Variants in ZC3H4 observed in about 807,000 individuals in gnomAD.
ZC3H4 encodes zinc finger CCCH-type containing 4, also known as zinc finger CCCH domain-containing protein 4.
Under a neutral mutation model 108.3 loss-of-function variants are expected in ZC3H4, and 13 were observed. That is an observed-to-expected ratio of 0.12 (90% CI 0.08 to 0.19). The LOEUF is 0.19. Ranked by LOEUF, ZC3H4 falls within the 10% of genes least tolerant of loss-of-function variation. ZC3H4 has a pLI of 1.00. For synonymous variants in ZC3H4, 917 were observed against 749.6 expected, an observed-to-expected ratio of 1.22 and a Z score of -3.65; for missense variants, 1,734 against 1,838.8, an observed-to-expected ratio of 0.94 and a Z score of 1.04.
chr19:47,107,929 G>A (rs1168594021), intron 2 of ZC3H4, among the ~76,000 whole-genome samples: 1 of 152,154 alleles, frequency 6.6e-6, no homozygotes, highest in East Asian at 1.9e-4. Context: ...ATGAAGTTTG[G>A]CTCCCCCCAA....
intron 2 of ZC3H4, among the ~76,000 whole-genome samples, chr19:47,100,486 G>A (rs1047951552): frequency 1.3e-5 from 2 of 151,674 alleles, no homozygotes; most frequent in African/African-American, 4.8e-5. Flanking sequence ...CTGGCAAAGA[G>A]AAGTCCAGGC....
chr19:47,067,545 C>T lies in ZC3H4; in HGVS notation c.2723G>A (p.Ser908Asn), dbSNP rs1221218011. 1 of 1,600,442 alleles carries T rather than the reference C, an allele frequency of 6.2e-7. No individual in the cohort carries two copies. The highest frequency in any genetic ancestry group is 1.7e-5 in the Admixed American group (1 of 58,424). ...TSKPEGSLHS[S>N]PVGPSSSKGS... The stretch of plus-strand genomic sequence containing the variant: ...CTTGGAACTGCTGGGGCCCACAGGG[C>T]TGGAATGAAGGCTGCCTTCGGGCTT... The change falls in exon 15 of 15, where the codon AGC becomes AAC. Residue 908 changes from serine (S) to asparagine (N), a missense_variant. Coordinates refer to ENST00000253048, the MANE Select transcript of ZC3H4 (RefSeq NM_015168.2). This position sits in a 1 kb window ranked among gnomAD's most constrained non-coding sequence, Gnocchi z 6.4.
At chr19:47,110,802 T>C in intron 2 of ZC3H4, 1 of 675,944 alleles carries the variant, frequency 1.5e-6, no homozygotes, top group Non-Finnish European at 1.8e-6. Context: ...GTTTATTTCC[T>C]TGAACTGGAG....
intron 11 of ZC3H4, among the ~76,000 whole-genome samples, chr19:47,073,105 T>G (rs543107335): frequency 1.3e-5 from 2 of 152,036 alleles, no homozygotes; most frequent in East Asian, 3.9e-4. Context: ...AAACCCCATC[T>G]CTACTAAAAA....
At chr19:47,089,381 T>C (rs531209442) in intron 5 of ZC3H4, among the ~76,000 whole-genome samples, 2 of 152,136 alleles carry the variant, frequency 1.3e-5, no homozygotes, top group Admixed American at 6.5e-5. Flanking sequence ...TTGCTGTTGT[T>C]GGTCAGGCTG....
At chr19:47,087,278 A>T (rs941302634) in intron 5 of ZC3H4, among the ~76,000 whole-genome samples, 44 of 110,438 alleles carry the variant, frequency 4.0e-4, no homozygotes, top group East Asian at 1.2e-3. Flanking sequence ...CCCGTCTCTC[A>T]CACACACACA....
At chr19:47,111,403 C>A (rs12973221) in intron 2 of ZC3H4, among the ~76,000 whole-genome samples, 11,909 of 152,224 alleles carry the variant, frequency 0.078, 567 homozygotes, top group East Asian at 0.2. Flanking sequence ...CTTCCTTTAA[C>A]GCCCTGCCAA....
At chr19:47,069,857 C>T (rs1487495349) in intron 13 of ZC3H4, among the ~76,000 whole-genome samples, 1 of 152,192 alleles carries the variant, frequency 6.6e-6, no homozygotes, top group Admixed American at 6.5e-5. Flanking sequence ...GCTCTGGCCA[C>T]AGGTCAACAG....
At chr19:47,084,237 C>T in intron 9 of ZC3H4, 108 bp downstream of exon 9, 11 of 1,038,426 alleles carry the variant, frequency 1.1e-5, no homozygotes, top group Admixed American at 6.1e-5. Context: ...ACAAGGACTA[C>T]ACAGTCACTC....
In ZC3H4 at chr19:47,112,537, CGGCGACTCTGATGGCGGCGGCG is replaced by C; in HGVS notation, c.26_47del (p.Pro9ArgfsTer88). ...ATGGCGGCGGCGGCGATGGCGGCGGCGGCGACTCTGATGGCGGCGGCGGGGGGGTCCCGGGCGCGGCCTCCAT... is the reference window on the plus strand; with the variant it reads ...ATGGCGGCGGCGGCGATGGCGGCGGCGGGGGGTCCCGGGCGCGGCCTCCAT... On this transcript the variant is annotated frameshift_variant, in exon 2 of 15. Transcript: ENST00000253048. LOFTEE classifies it high-confidence loss of function. 1 of 1,058,924 alleles carries C rather than the reference CGGCGACTCTGATGGCGGCGGCG, an allele frequency of 9.4e-7. No individual in the cohort carries two copies. Among genetic ancestry groups the C allele is most frequent in the Non-Finnish European group, 1.2e-6 (1 of 823,722 alleles). The allele number at this position is 1,058,924 out of a possible 1,614,324, so 65.6% of individuals were successfully genotyped here.
At chr19:47,097,511 C>T (rs144053922) in intron 2 of ZC3H4, among the ~76,000 whole-genome samples, 1 of 152,282 alleles carries the variant, frequency 6.6e-6, no homozygotes, top group Non-Finnish European at 1.5e-5. Flanking sequence ...AAACGTCCTG[C>T]GTGAACACGA....
intron 2 of ZC3H4, among the ~76,000 whole-genome samples, chr19:47,106,658 T>G (rs2057971957): frequency 2.0e-5 from 3 of 152,176 alleles, no homozygotes; most frequent in African/African-American, 7.2e-5. Flanking sequence ...GGCCAGAAAC[T>G]GTAGAAGGTA....
chr19:47,080,416 G>T (rs547725116), intron 11 of ZC3H4, among the ~76,000 whole-genome samples: 2 of 152,246 alleles, frequency 1.3e-5, no homozygotes, highest in South Asian at 4.1e-4. Flanking sequence ...AATGCATAAT[G>T]GGGGCCCTGA....
intron 6 of ZC3H4, among the ~76,000 whole-genome samples, chr19:47,086,077 C>T (rs900558625): frequency 6.6e-6 from 1 of 152,124 alleles, no homozygotes; most frequent in African/African-American, 2.4e-5. Context: ...CCGTGTTAGC[C>T]AGGATGGTCT....
At chr19:47,103,582 G>A (rs1350361552) in intron 2 of ZC3H4, among the ~76,000 whole-genome samples, 17 of 151,896 alleles carry the variant, frequency 1.1e-4, no homozygotes, top group Admixed American at 5.9e-4. Flanking sequence ...TCAGGAGTTC[G>A]AGACCAGCCT....
chr19:47,070,696 C>T (rs767987806), intron 13 of ZC3H4, among the ~76,000 whole-genome samples: 14 of 152,288 alleles, frequency 9.2e-5, no homozygotes, highest in African/African-American at 1.2e-4. Context: ...CCAAAGCCCA[C>T]GTTCACATTT....
rs754619167 is a variant in ZC3H4, at chr19:47,084,420, A to G, written c.1143T>C (p.His381=). Residue 381 remains histidine, a synonymous_variant, in exon 9 of 15, where the codon CAT becomes CAC. Coordinates refer to ENST00000253048, the MANE Select transcript of ZC3H4 (RefSeq NM_015168.2). ...GGGGSYRSRD[H]DKPHQQSDKK... ...TGTCCGACTGCTGGTGGGGCTTGTC[A>G]TGGTCACGACTCCGGTAGCTTCCAC... 3.7e-6 allele frequency: 6 copies of G among 1,614,214 alleles called. No individual in the cohort carries two copies. Among genetic ancestry groups the G allele is most frequent in the Non-Finnish European group, 5.1e-6 (6 of 1,180,048 alleles).
Position 47,072,697 on chromosome 19 carries a change from G to C in ZC3H4, c.1457C>G (p.Ala486Gly). The change falls in exon 12 of 15, where the codon GCA becomes GGA. Residue 486 changes from alanine (A) to glycine (G), a missense_variant. This residue lies in a region of ZC3H4 where 66 missense variants were observed against 166.8 expected (regional missense o/e 0.40). Coordinates refer to ENST00000253048, the MANE Select transcript of ZC3H4 (RefSeq NM_015168.2). This position sits in a 1 kb window ranked among gnomAD's most constrained non-coding sequence, Gnocchi z 5.6. ...ELLDKMLADD[A>G]EAGAEDEKEV... ...CTTCTCATCCTCGGCACCTGCTTCT[G>C]CATCATCGGCCAACATCTGCGGGTG... 6.2e-7 allele frequency: 1 copy of C among 1,613,786 alleles called. No homozygotes were observed. Among genetic ancestry groups the C allele is most frequent in the Non-Finnish European group, 8.5e-7 (1 of 1,180,010 alleles).
rs1568520530 is a variant in ZC3H4, at chr19:47,064,720, G to GTA, written c.*1634_*1635dup. ...GAAGACAAATCTCATTAATGATTGT[G>GTA]TAAAAAAAAAAAAAAAAAAAAAGAC... is the stretch of plus-strand genomic sequence containing the variant. On this transcript the variant is annotated 3_prime_UTR_variant, in exon 15 of 15. Coordinates refer to ENST00000253048, the MANE Select transcript of ZC3H4 (RefSeq NM_015168.2). The GTA allele has an allele frequency of 1.6e-5, 1 of 61,308 alleles. No homozygotes were observed. The highest frequency in any genetic ancestry group is 3.4e-4 in the East Asian group (1 of 2,902). The allele number at this position is 61,308 out of a possible 1,614,324, so 3.8% of individuals were successfully genotyped here. A position where few individuals can be genotyped will look rare whatever the true frequency, so the allele number is the denominator to read the frequency against.
Sources: gnomAD v4.1 joint callset for allele counts (sites outside exome capture counted in the v4.1 genomes callset) on GRCh38, gnomAD v4.1.1 for gene constraint, gnomAD v4.1.1 regional missense constraint, Gnocchi (gnomAD v3.1) non-coding constraint, MANE v1.5 for transcripts, NCBI Gene and HGNC (gene_info 2026-07-23, HGNC 2026-07-21) for gene names.